EPHA6: variants seen among roughly 807,000 people sequenced by gnomAD.
EPHA6 encodes the protein EPH receptor A6.
Under a neutral mutation model 112.0 loss-of-function variants are expected in EPHA6, and 50 were observed. The observed-to-expected ratio is 0.45, with a 90% CI of 0.36 to 0.56. EPHA6 has a LOEUF of 0.56. Ranked by LOEUF, EPHA6 falls within the 20% of genes least tolerant of loss-of-function variation. The pLI, the probability that EPHA6 is intolerant of heterozygous loss-of-function variation, is 0.00. For missense variants in EPHA6, 1,280 were observed against 1,417.4 expected, an observed-to-expected ratio of 0.90 and a Z score of 1.56; for synonymous variants, 529 against 490.7, an observed-to-expected ratio of 1.08 and a Z score of -1.03.
chr3:97,496,198 T>C (rs960625377), intron 10 of EPHA6, among the ~76,000 whole-genome samples: 1 of 152,158 alleles, frequency 6.6e-6, no homozygotes, highest in Non-Finnish European at 1.5e-5. Flanking sequence ...TCTAATGCAG[T>C]TCCTTGTTCA....
At chr3:97,364,037 G>A (rs188417205) in intron 5 of EPHA6, among the ~76,000 whole-genome samples, 67 of 152,142 alleles carry the variant, frequency 4.4e-4, no homozygotes, top group Non-Finnish European at 8.0e-4. Flanking sequence ...TAATGGGTAT[G>A]AAGTATCAGT....
At chr3:97,302,771 G>A (rs112851101) in intron 5 of EPHA6, among the ~76,000 whole-genome samples, 1 of 151,502 alleles carries the variant, frequency 6.6e-6, no homozygotes, top group East Asian at 1.9e-4. Context: ...ACTGAAAAAA[G>A]GATAATTCCT....
Position 96,882,912 on chromosome 3 carries a change from A to T in EPHA6, c.450+16023A>T, listed in dbSNP as rs576989029. On this transcript the variant is annotated intron_variant, in intron 2 of 17. Transcript: ENST00000389672. ...ATGCGTGTGCGAGTATGTTTTTTGA[A>T]TAATGACTTATTTTCCTCTGGGTAG... Among the ~76,000 whole-genome samples the T allele has an allele frequency of 7.9e-5, 12 of 152,270 alleles. No homozygotes were observed. The South Asian group carries it at 1.2e-3, about 16-fold the overall frequency.
intron 2 of EPHA6, among the ~76,000 whole-genome samples, chr3:96,940,988 C>T (rs1052868966): frequency 2.7e-4 from 41 of 152,268 alleles, no homozygotes; most frequent in Non-Finnish European, 4.1e-4. Flanking sequence ...TGATGGGCTT[C>T]CCTTTGTGGG....
intron 6 of EPHA6, among the ~76,000 whole-genome samples, chr3:97,427,158 A>G (rs1008021619): frequency 2.6e-5 from 4 of 152,172 alleles, no homozygotes; most frequent in African/African-American, 9.7e-5. Context: ...GCTAAAAACA[A>G]CTACCATTTG....
At chr3:97,705,175 C>T (rs769026460) in intron 14 of EPHA6, among the ~76,000 whole-genome samples, 6 of 152,078 alleles carry the variant, frequency 3.9e-5, no homozygotes, top group Non-Finnish European at 7.4e-5. Flanking sequence ...TCCTTTATCT[C>T]ACCTCTTTTC....
chr3:97,364,994 T>A (rs1281888330), intron 5 of EPHA6, among the ~76,000 whole-genome samples: 1 of 152,126 alleles, frequency 6.6e-6, no homozygotes, highest in Non-Finnish European at 1.5e-5. Context: ...CTCTGCTGAA[T>A]CCAAAGGAAT....
chr3:96,992,887 C>A (rs2043268416), intron 3 of EPHA6, among the ~76,000 whole-genome samples: 1 of 152,234 alleles, frequency 6.6e-6, no homozygotes, highest in Non-Finnish European at 1.5e-5. Flanking sequence ...TGGGTCTTCA[C>A]AAAGTTATTA....
intron 2 of EPHA6, among the ~76,000 whole-genome samples, chr3:96,983,239 G>C (rs536581190): frequency 6.6e-6 from 1 of 152,140 alleles, no homozygotes; most frequent in Admixed American, 6.6e-5. Context: ...CTCTTGTAGG[G>C]CAGGCCTGCT....
intron 5 of EPHA6, among the ~76,000 whole-genome samples, chr3:97,397,497 T>C (rs1446754261): frequency 6.6e-6 from 1 of 151,618 alleles, no homozygotes; most frequent in East Asian, 1.9e-4. Flanking sequence ...ATTGTTGGCC[T>C]CTGTGAAAAC....
At chr3:97,154,594 A>C (rs569473489) in intron 3 of EPHA6, among the ~76,000 whole-genome samples, 2 of 152,300 alleles carry the variant, frequency 1.3e-5, no homozygotes, top group South Asian at 2.1e-4. Context: ...CCTGTGTCTG[A>C]AACTTTGTAC....
chr3:96,911,198 A>G (rs989311510), intron 2 of EPHA6, among the ~76,000 whole-genome samples: 2 of 152,076 alleles, frequency 1.3e-5, no homozygotes, highest in South Asian at 4.1e-4. Flanking sequence ...AGCATATATT[A>G]TCATCAGAAA....
At chr3:96,952,491 C>T (rs921007136) in intron 2 of EPHA6, among the ~76,000 whole-genome samples, 3 of 152,162 alleles carry the variant, frequency 2.0e-5, no homozygotes, top group Non-Finnish European at 2.9e-5. Flanking sequence ...CTCTTCGTTT[C>T]TCTTTTGCTT....
At chr3:97,102,414 T>C (rs2108263197) in intron 3 of EPHA6, among the ~76,000 whole-genome samples, 1 of 152,118 alleles carries the variant, frequency 6.6e-6, no homozygotes, top group South Asian at 2.1e-4. Context: ...CCATTAAATG[T>C]GGGTAGGGGG....
chr3:97,530,545 T>G (rs1420404323), intron 10 of EPHA6, among the ~76,000 whole-genome samples: 1 of 151,850 alleles, frequency 6.6e-6, no homozygotes, highest in African/African-American at 2.4e-5. Flanking sequence ...ACTTCTTTTT[T>G]TTTTCAGTGA....
intron 6 of EPHA6, 24 bp downstream of exon 6, chr3:97,405,298 A>G (rs1040901868): frequency 2.5e-6 from 4 of 1,584,860 alleles, no homozygotes; most frequent in Admixed American, 3.4e-5. Context: ...GGAGCTTCCT[A>G]TAAAACTACA....
chr3:97,551,829 G>T (rs577507608), intron 11 of EPHA6, among the ~76,000 whole-genome samples: 18 of 151,978 alleles, frequency 1.2e-4, no homozygotes, highest in African/African-American at 4.1e-4. Context: ...ACATTCTCTG[G>T]GGAATACAAG....
intron 5 of EPHA6, among the ~76,000 whole-genome samples, chr3:97,299,757 A>T (rs9877652): frequency 0.016 from 2,431 of 152,284 alleles, 78 homozygotes; most frequent in African/African-American, 0.055. Context: ...TTTTCTTCTT[A>T]TAAATTGACA....
At chr3:97,345,433 A>C (rs988870303) in intron 5 of EPHA6, among the ~76,000 whole-genome samples, 1 of 152,138 alleles carries the variant, frequency 6.6e-6, no homozygotes, top group Non-Finnish European at 1.5e-5. Flanking sequence ...CTGTGCCTTT[A>C]TAAAATAACT....
Sources: allele counts gnomAD v4.1 joint callset (sites outside exome capture counted in the v4.1 genomes callset), GRCh38; gene constraint gnomAD v4.1.1; transcripts MANE v1.5; gene names NCBI Gene and HGNC (gene_info 2026-07-23, HGNC 2026-07-21).